SORCS3: variants seen among roughly 807,000 people sequenced by gnomAD.
SORCS3 encodes sortilin related VPS10 domain containing receptor 3.
A neutral mutation model predicts 146.3 loss-of-function variants in SORCS3; 57 were observed. The observed-to-expected ratio is 0.39, with a 90% CI of 0.31 to 0.49. SORCS3 has a LOEUF of 0.49. Among genes scored for constraint, SORCS3 ranks in the 20% least tolerant of loss-of-function variants. The probability of loss-of-function intolerance (pLI) is 0.92; values close to 1 mark genes in which losing one functional copy is unlikely to be tolerated. For missense variants in SORCS3, 1,341 were observed against 1,575.5 expected (o/e 0.85, Z 2.52); for synonymous variants, 653 against 618.5 (o/e 1.06, Z -0.83).
At chr10:105,041,182 G>A (rs984522197) in intron 4 of SORCS3, among the ~76,000 whole-genome samples, 20 of 148,254 alleles carry the variant, frequency 1.3e-4, no homozygotes, top group East Asian at 7.9e-4. Flanking sequence ...TAATCTGAAG[G>A]CCATCCAACC....
intron 2 of SORCS3, among the ~76,000 whole-genome samples, chr10:104,858,827 T>G (rs2018365602): frequency 6.6e-6 from 1 of 151,570 alleles, no homozygotes; most frequent in African/African-American, 2.4e-5. Context: ...TTTTCCATGT[T>G]AGCCAGGATG....
At position 104,641,836 on chromosome 10, in the gene SORCS3, C is replaced by G; in HGVS notation, c.509C>G (p.Ala170Gly). The change falls in exon 1 of 27, where the codon GCG becomes GGG. Residue 170 changes from alanine to glycine, a missense_variant. Physicochemically the swap from Ala to Gly is moderately conservative, Grantham distance 60. Coordinates refer to ENST00000369701, the MANE Select transcript of SORCS3 (RefSeq NM_014978.3). The surrounding 1 kb of genome is among the most constrained non-coding windows in gnomAD (Gnocchi z 6.4). Reference sequence around the variant, plus strand: ...AAGGGTTCCCGGGAGGAGGTGAAGGCGCCGCGGGCTGGGGGGTCGGCGGCT... The same window carrying G: ...AAGGGTTCCCGGGAGGAGGTGAAGGGGCCGCGGGCTGGGGGGTCGGCGGCT... ...LAKGSREEVK[A>G]PRAGGSAAED... is the part of the protein sequence containing the mutation. The G allele has an allele frequency of 3.2e-6, 5 of 1,561,718 alleles. No individual in the cohort carries two copies. The highest frequency in any genetic ancestry group is 4.3e-6 in the Non-Finnish European group (5 of 1,155,658).
In SORCS3 at chr10:104,641,408, G is replaced by T. The variant is rs531369089; in HGVS notation, c.81G>T (p.Thr27=). Residue 27 remains threonine (T), a synonymous_variant, in exon 1 of 27, where the codon ACG becomes ACT. Coordinates refer to ENST00000369701, the MANE Select transcript of SORCS3 (RefSeq NM_014978.3). This position sits in a 1 kb window ranked among gnomAD's most constrained non-coding sequence, Gnocchi z 6.4. Reference sequence around the variant, plus strand: ...GGACGGGGCTCCTACTCTTGTCGACGTGGGTCCTGGCCGGCGCCGAGATCA... The same window carrying T: ...GGACGGGGCTCCTACTCTTGTCGACTTGGGTCCTGGCCGGCGCCGAGATCA... The part of the protein sequence containing the change: ...LVRTGLLLLS[T]WVLAGAEITW... 8 of 1,463,044 alleles carry T rather than the reference G, an allele frequency of 5.5e-6. No individual in the cohort carries two copies. The highest frequency in any genetic ancestry group is 7.2e-6 in the Non-Finnish European group (8 of 1,113,516). The allele number at this position is 1,463,044 out of a possible 1,614,324, so 90.6% of individuals were successfully genotyped here.
chr10:105,070,052 A>G (rs1171940513), intron 5 of SORCS3, among the ~76,000 whole-genome samples: 1 of 152,204 alleles, frequency 6.6e-6, no homozygotes, highest in Non-Finnish European at 1.5e-5. Context: ...GTGAGCTACC[A>G]CATTATCAAA....
At chr10:105,217,226 A>G (rs911655737) in intron 19 of SORCS3, 104 bp downstream of exon 19, 5 of 1,120,684 alleles carry the variant, frequency 4.5e-6, no homozygotes, top group Non-Finnish European at 6.5e-6. Context: ...CAGTGTGACT[A>G]CTACAATTAC....
At chr10:104,838,030 A>G (rs1193664086) in intron 1 of SORCS3, among the ~76,000 whole-genome samples, 1 of 152,188 alleles carries the variant, frequency 6.6e-6, no homozygotes, top group Non-Finnish European at 1.5e-5. Flanking sequence ...GGGCGATATT[A>G]TATAATACCT....
chr10:104,722,672 T>C (rs2016564753), intron 1 of SORCS3, among the ~76,000 whole-genome samples: 1 of 152,236 alleles, frequency 6.6e-6, no homozygotes, highest in Admixed American at 6.5e-5. Flanking sequence ...TATTGGTCTA[T>C]TCAGAGATTC....
At chr10:105,121,852 A>G (rs1456756213) in intron 7 of SORCS3, among the ~76,000 whole-genome samples, 1 of 152,158 alleles carries the variant, frequency 6.6e-6, no homozygotes, top group African/African-American at 2.4e-5. Context: ...GAGAATCATC[A>G]TGACATCCAC....
At chr10:104,863,575 T>C (rs1344436125) in intron 2 of SORCS3, among the ~76,000 whole-genome samples, 1 of 152,194 alleles carries the variant, frequency 6.6e-6, no homozygotes, top group East Asian at 1.9e-4. Context: ...GGCTGTGTTG[T>C]ATGTGCTCAG....
intron 7 of SORCS3, among the ~76,000 whole-genome samples, 165 bp from the exon 8 acceptor site, chr10:105,139,232 A>C (rs2056078224): frequency 6.6e-6 from 1 of 152,222 alleles, no homozygotes; most frequent in Non-Finnish European, 1.5e-5. Flanking sequence ...GTGCAGTGGG[A>C]GCAACTCAGA....
rs2055279655 is a variant in SORCS3 at position 105,032,953 on chromosome 10, A to G, written c.955-10102A>G. Among the ~76,000 whole-genome samples, 8 of 152,278 alleles carry G rather than the reference A, an allele frequency of 5.3e-5. No homozygotes were observed. In the South Asian group the frequency reaches 1.7e-3, roughly 32 times the overall value. On this transcript the variant is annotated intron_variant, in intron 4 of 26. Coordinates refer to ENST00000369701, the MANE Select transcript of SORCS3 (RefSeq NM_014978.3). The stretch of plus-strand genomic sequence containing the variant: ...CATGGAGGAGTATCAGTTTTTGTTC[A>G]AAGGGTATGGCTTAATATGAGATAT...
intron 1 of SORCS3, among the ~76,000 whole-genome samples, chr10:104,674,266 G>T (rs2015889512): frequency 6.6e-6 from 1 of 152,232 alleles, no homozygotes; most frequent in Non-Finnish European, 1.5e-5. Flanking sequence ...AACAGCCTTT[G>T]CCTTCTAATA....
At chr10:104,815,853 C>T (rs1589509635) in intron 1 of SORCS3, among the ~76,000 whole-genome samples, 1 of 152,084 alleles carries the variant, frequency 6.6e-6, no homozygotes, top group Admixed American at 6.5e-5. Flanking sequence ...TAATTAATAA[C>T]TTCTGTATAT....
At chr10:104,882,818 A>G (rs1452279972) in intron 2 of SORCS3, among the ~76,000 whole-genome samples, 1 of 152,216 alleles carries the variant, frequency 6.6e-6, no homozygotes, top group South Asian at 2.1e-4. Flanking sequence ...ATATCAGAAA[A>G]GCTAGTGAAC....
At chr10:104,856,664 G>A (rs1484732683) in intron 2 of SORCS3, among the ~76,000 whole-genome samples, 1 of 145,510 alleles carries the variant, frequency 6.9e-6, no homozygotes, top group African/African-American at 2.5e-5. Context: ...ATTATTTCTT[G>A]CAGAATGTCA....
chr10:104,884,829 A>T (rs74155059), intron 2 of SORCS3, among the ~76,000 whole-genome samples: 10 of 151,902 alleles, frequency 6.6e-5, no homozygotes, highest in Admixed American at 2.6e-4. Context: ...ATCTGATCTC[A>T]TGTATTTTTC....
At chr10:105,061,793 G>T (rs1294346328) in intron 5 of SORCS3, among the ~76,000 whole-genome samples, 1 of 152,154 alleles carries the variant, frequency 6.6e-6, no homozygotes, top group Non-Finnish European at 1.5e-5. Flanking sequence ...TATAGCACTT[G>T]TGTAGCTGGG....
chr10:105,060,642 T>C (rs2055479284), intron 5 of SORCS3, among the ~76,000 whole-genome samples: 1 of 152,062 alleles, frequency 6.6e-6, no homozygotes, highest in Non-Finnish European at 1.5e-5. Flanking sequence ...GTTTGCAATT[T>C]AAAAAAGTTA....
chr10:105,097,497 C>T (rs1317113351), intron 6 of SORCS3, among the ~76,000 whole-genome samples: 1 of 152,122 alleles, frequency 6.6e-6, no homozygotes, highest in Non-Finnish European at 1.5e-5. Flanking sequence ...ATTTAAGAGG[C>T]AATTAAGTGT....
Sources: allele counts gnomAD v4.1 joint callset (sites outside exome capture counted in the v4.1 genomes callset), GRCh38; gene constraint gnomAD v4.1.1; non-coding constraint Gnocchi (gnomAD v3.1); transcripts MANE v1.5; gene names NCBI Gene and HGNC (gene_info 2026-07-23, HGNC 2026-07-21).